ATRNL1: variants seen among roughly 807,000 people sequenced by gnomAD.
ATRNL1 encodes the protein attractin like 1.
A neutral mutation model predicts 182.7 loss-of-function variants in ATRNL1; 95 were observed. The ratio of observed to expected loss-of-function variants is 0.52; its 90% CI spans 0.44 to 0.62. The LOEUF (loss-of-function observed/expected upper bound fraction) is 0.62. Ranked by LOEUF, ATRNL1 falls within the 20% of genes least tolerant of loss-of-function variation. The probability of loss-of-function intolerance (pLI) is 0.00; values close to 1 mark genes in which losing one functional copy is unlikely to be tolerated. For missense variants in ATRNL1, 1,471 were observed against 1,679.5 expected, an observed-to-expected ratio of 0.88 and a Z score of 2.17; for synonymous variants, 576 against 568.3, an observed-to-expected ratio of 1.01 and a Z score of -0.19.
At chr10:115,838,109 G>C (rs1034790401) in intron 27 of ATRNL1, among the ~76,000 whole-genome samples, 2 of 152,092 alleles carry the variant, frequency 1.3e-5, no homozygotes, top group Admixed American at 1.3e-4. Flanking sequence ...GCACACAAAA[G>C]TTCAATAATT....
intron 19 of ATRNL1, among the ~76,000 whole-genome samples, chr10:115,350,325 ACT>A (rs1258786642): frequency 9.0e-6 from 1 of 111,590 alleles, no homozygotes; most frequent in East Asian, 2.4e-4. Flanking sequence ...ACAGAGCAAG[ACT>A]CTGTCTCAAA....
At chr10:115,544,634 T>C (rs1554993100) in intron 25 of ATRNL1, among the ~76,000 whole-genome samples, 1 of 152,156 alleles carries the variant, frequency 6.6e-6, no homozygotes. Context: ...AAGGATCTTT[T>C]CCCCTGACCC....
intron 26 of ATRNL1, among the ~76,000 whole-genome samples, chr10:115,654,345 A>C (rs1555035190): frequency 6.6e-6 from 1 of 151,232 alleles, no homozygotes; most frequent in Non-Finnish European, 1.5e-5. Flanking sequence ...TCAGCCTCCC[A>C]AGTAGCTGGG....
chr10:115,883,054 C>T (rs782790650), intron 28 of ATRNL1, among the ~76,000 whole-genome samples: 1 of 152,134 alleles, frequency 6.6e-6, no homozygotes, highest in African/African-American at 2.4e-5. Context: ...ATCCAAGCTG[C>T]GACCTCTTGA....
intron 5 of ATRNL1, among the ~76,000 whole-genome samples, chr10:115,139,034 G>A (rs1051675120): frequency 8.5e-5 from 13 of 152,162 alleles, no homozygotes; most frequent in Non-Finnish European, 1.3e-4. Context: ...TAGGGCAGGG[G>A]CAAAATGCCA....
intron 26 of ATRNL1, among the ~76,000 whole-genome samples, chr10:115,696,258 G>A (rs1472612155): frequency 6.6e-6 from 1 of 152,158 alleles, no homozygotes; most frequent in Admixed American, 6.5e-5. Context: ...CCATGTCTTT[G>A]CTATTGTGAA....
At chr10:115,433,390 T>C (rs1846255945) in intron 21 of ATRNL1, among the ~76,000 whole-genome samples, 1 of 152,184 alleles carries the variant, frequency 6.6e-6, no homozygotes, top group South Asian at 2.1e-4. Flanking sequence ...TTAGTGAATG[T>C]TTTATATGAC....
intron 26 of ATRNL1, among the ~76,000 whole-genome samples, chr10:115,566,586 G>A (rs1248952853): frequency 1.3e-5 from 2 of 152,062 alleles, no homozygotes; most frequent in Admixed American, 6.6e-5. Flanking sequence ...ATATTACGGA[G>A]ACTATTATGA....
rs78484460 is a variant in ATRNL1 at position 115,547,953 on chromosome 10, A to T, written c.3717-1505A>T. Among the ~76,000 whole-genome samples, 1,264 of 152,312 alleles carry T rather than the reference A, an allele frequency of 8.3e-3. 17 individuals are homozygous for T. The highest frequency in any genetic ancestry group is 0.029 in the African/African-American group (1,205 of 41,572). On this transcript the variant is annotated intron_variant, in intron 25 of 28. Transcript: ENST00000355044. ...GTATCACTGACTTTTTAAAAAATAG[A>T]TTTCCTTTGATTCTGGAGGCGGGAT...
intron 26 of ATRNL1, among the ~76,000 whole-genome samples, chr10:115,640,719 A>G (rs1476120204): frequency 2.0e-5 from 3 of 152,118 alleles, no homozygotes; most frequent in African/African-American, 2.4e-5. Context: ...TCCATTCTGT[A>G]GGTTGCCTGT....
At chr10:115,553,914 T>A (rs1461760025) in intron 26 of ATRNL1, among the ~76,000 whole-genome samples, 1 of 151,494 alleles carries the variant, frequency 6.6e-6, no homozygotes, top group African/African-American at 2.4e-5. Flanking sequence ...GTTTTATAAA[T>A]TAAACTACTC....
chr10:115,855,678 G>A (rs1222263070), intron 28 of ATRNL1, among the ~76,000 whole-genome samples: 2 of 152,078 alleles, frequency 1.3e-5, no homozygotes, highest in African/African-American at 2.4e-5. Context: ...CCATAACCTC[G>A]ATAGACTGGA....
rs1850665627 is a variant in ATRNL1, at chr10:115,246,823, G to A, written c.1687+5098G>A. Among the ~76,000 whole-genome samples the A allele has an allele frequency of 1.3e-5, 2 of 148,872 alleles. 1 individual carries two copies. The highest frequency in any genetic ancestry group is 4.3e-4 in the South Asian group (2 of 4,612). The stretch of plus-strand genomic sequence containing the variant: ...GATCCACCCGCCTCGGCCTCCCAAA[G>A]TGCTGGGATTACAGGCGTGAGCCAC... On this transcript the variant is annotated intron_variant, in intron 10 of 28. Coordinates refer to ENST00000355044, the MANE Select transcript of ATRNL1 (RefSeq NM_207303.4).
intron 6 of ATRNL1, 84 bp from the exon 7 acceptor site, chr10:115,165,474 C>T: frequency 4.9e-6 from 3 of 606,582 alleles, no homozygotes; most frequent in Non-Finnish European, 8.2e-6. Flanking sequence ...AATACTTGGA[C>T]ACAAGTGAAT....
intron 10 of ATRNL1, among the ~76,000 whole-genome samples, chr10:115,250,174 T>C (rs114351684): frequency 0.011 from 1,728 of 152,308 alleles, 28 homozygotes; most frequent in African/African-American, 0.039. Context: ...TACTTGATCA[T>C]GGGTACCACT....
chr10:115,808,050 T>C (rs1319271980), intron 27 of ATRNL1, among the ~76,000 whole-genome samples: 2 of 152,184 alleles, frequency 1.3e-5, no homozygotes, highest in Non-Finnish European at 2.9e-5. Flanking sequence ...TATCATTCCA[T>C]CTTATATGAT....
chr10:115,407,682 A>G (rs1236858012), intron 20 of ATRNL1, among the ~76,000 whole-genome samples: 1 of 152,204 alleles, frequency 6.6e-6, no homozygotes, highest in African/African-American at 2.4e-5. Flanking sequence ...TAGCATTGCA[A>G]TAAATATGAC....
At chr10:115,343,305 A>G (rs529193160) in intron 19 of ATRNL1, among the ~76,000 whole-genome samples, 1 of 152,160 alleles carries the variant, frequency 6.6e-6, no homozygotes, top group African/African-American at 2.4e-5. Context: ...GATGTGGTTC[A>G]TTGTTTTTAA....
chr10:115,616,587 A>G (rs1181120663), intron 26 of ATRNL1, among the ~76,000 whole-genome samples: 1 of 152,170 alleles, frequency 6.6e-6, no homozygotes, highest in Non-Finnish European at 1.5e-5. Context: ...CAGAGGCCTA[A>G]GAGGAAAGAA....
Sources: gnomAD v4.1 joint callset for allele counts (sites outside exome capture counted in the v4.1 genomes callset) on GRCh38, gnomAD v4.1.1 for gene constraint, MANE v1.5 for transcripts, NCBI Gene and HGNC (gene_info 2026-07-23, HGNC 2026-07-21) for gene names.